The following PALM2AKAP2 variants were observed in gnomAD, a reference collection of about 807,000 sequenced individuals.
PALM2AKAP2 encodes PALM2-AKAP2 fusion protein.
A neutral mutation model predicts 71.5 loss-of-function variants in PALM2AKAP2; 37 were observed. The ratio of observed to expected loss-of-function variants is 0.52; its 90% CI spans 0.40 to 0.68. The LOEUF (loss-of-function observed/expected upper bound fraction) is 0.68. Ranked by LOEUF, PALM2AKAP2 falls within the 30% of genes least tolerant of loss-of-function variation. PALM2AKAP2 has a pLI of 0.00. For missense variants in PALM2AKAP2, 1,224 were observed against 1,191.8 expected, an observed-to-expected ratio of 1.03 and a Z score of -0.40; for synonymous variants, 468 against 478.8, an observed-to-expected ratio of 0.98 and a Z score of 0.29.
chr9:109,996,964 G>A (rs1832587955), intron 6 of PALM2AKAP2, among the ~76,000 whole-genome samples: 1 of 152,194 alleles, frequency 6.6e-6, no homozygotes, highest in African/African-American at 2.4e-5. Flanking sequence ...TGAAGCAGGT[G>A]GACCACTTGA....
chr9:109,708,993 TCA>T (rs1828184599), intron 1 of PALM2AKAP2, among the ~76,000 whole-genome samples: 1 of 152,158 alleles, frequency 6.6e-6, no homozygotes, highest in African/African-American at 2.4e-5. Flanking sequence ...CAAGGGCAAT[TCA>T]CAGAGGGTTG....
intron 6 of PALM2AKAP2, among the ~76,000 whole-genome samples, chr9:110,010,996 C>CAAAA (rs754903953): frequency 0.097 from 5,237 of 54,014 alleles, 779 homozygotes; most frequent in Non-Finnish European, 0.13. Context: ...AACTCTGTCT[C>CAAAA]AAAAAAAAAA....
chr9:109,855,430 A>G (rs1829137376), intron 1 of PALM2AKAP2, among the ~76,000 whole-genome samples: 1 of 152,184 alleles, frequency 6.6e-6, no homozygotes, highest in Non-Finnish European at 1.5e-5. Flanking sequence ...GTCATTCATT[A>G]TCAATAAATA....
At chr9:109,914,694 G>A (rs1033963184) in intron 3 of PALM2AKAP2, among the ~76,000 whole-genome samples, 3 of 152,192 alleles carry the variant, frequency 2.0e-5, no homozygotes, top group African/African-American at 4.8e-5. Context: ...CCTTTTATTC[G>A]GAGAGTAGTT....
chr9:110,010,179 T>G lies in PALM2AKAP2; in HGVS notation c.497-5775T>G, dbSNP rs184421724. 2.0e-3 allele frequency among the ~76,000 whole-genome samples: 305 copies of G among 152,318 alleles called. 1 individual carries two copies. Among genetic ancestry groups the G allele is most frequent in the Non-Finnish European group, 3.5e-3 (235 of 68,026 alleles). On this transcript the variant is annotated intron_variant, in intron 6 of 9. Transcript: ENST00000302798. ...CAGCTACAAGTAGACAGGTCTCAAT[T>G]TCTCCTATCGCAGGGAAATGCAAAC...
At chr9:110,049,053 A>C (rs1299963144) in intron 1 of PALM2AKAP2, among the ~76,000 whole-genome samples, 1 of 152,158 alleles carries the variant, frequency 6.6e-6, no homozygotes, top group Non-Finnish European at 1.5e-5. Flanking sequence ...GGCTGTGGCC[A>C]TGTGGATTTG....
rs563249303 is a variant in PALM2AKAP2 at position 109,728,421 on chromosome 9, T to G, written c.6-52067T>G. Among the ~76,000 whole-genome samples the G allele has an allele frequency of 3.3e-5, 5 of 152,282 alleles. No individual in the cohort carries two copies. The East Asian group carries it at 9.7e-4, about 29-fold the overall frequency. On this transcript the variant is annotated intron_variant, in intron 1 of 6. Coordinates refer to the PALM2AKAP2 transcript ENST00000374531. ...CAACCATCTTGCTCCTACTTCCAGG[T>G]GGAAAGTGATCACAACACACAGAAG...
intron 1 of PALM2AKAP2, among the ~76,000 whole-genome samples, chr9:109,658,443 T>C (rs1201191071): frequency 6.6e-6 from 1 of 152,152 alleles, no homozygotes; most frequent in African/African-American, 2.4e-5. Context: ...GATAAATAAA[T>C]AATATGTTCA....
chr9:109,655,719 T>C (rs1230144358), intron 1 of PALM2AKAP2, among the ~76,000 whole-genome samples: 3 of 152,232 alleles, frequency 2.0e-5, no homozygotes, highest in Non-Finnish European at 4.4e-5. Flanking sequence ...AATTTCACTT[T>C]GTGTAATGCT....
chr9:109,777,781 C>T (rs1340300912), upstream of PALM2AKAP2, among the ~76,000 whole-genome samples: 1 of 152,104 alleles, frequency 6.6e-6, no homozygotes, highest in Admixed American at 6.5e-5. Flanking sequence ...TGGTGCAAAT[C>T]CCTTTGAATT....
intron 1 of PALM2AKAP2, chr9:109,862,947 A>T: frequency 2.0e-6 from 1 of 512,376 alleles, no homozygotes; most frequent in Non-Finnish European, 3.9e-6. Flanking sequence ...GTAGGGGGCC[A>T]TGGCTTGAGA....
chr9:109,984,614 T>C (rs1285434913), intron 6 of PALM2AKAP2, among the ~76,000 whole-genome samples: 2 of 152,088 alleles, frequency 1.3e-5, no homozygotes, highest in Non-Finnish European at 2.9e-5. Flanking sequence ...CCCAGCACTT[T>C]GGGAGGCCAA....
At chr9:110,161,757 C>G (rs976185098) in intron 3 of PALM2AKAP2, among the ~76,000 whole-genome samples, 3 of 152,034 alleles carry the variant, frequency 2.0e-5, no homozygotes, top group Admixed American at 6.5e-5. Flanking sequence ...CCAAAATGGC[C>G]CCCAACGACC....
In PALM2AKAP2 at chr9:110,015,937, T is replaced by TC. The variant is rs756495870; in HGVS notation, c.497-16dup. On this transcript the variant is annotated splice_polypyrimidine_tract_variant and intron_variant, in intron 6 of 9. Transcript: ENST00000302798. ...TGAATGACTTGGCTCAAATGGCACTTCTTTTTTTTCTTTCAGGAGTCGGGT... is the reference window on the plus strand; with the variant it reads ...TGAATGACTTGGCTCAAATGGCACTTCCTTTTTTTTCTTTCAGGAGTCGGGT... 1.2e-6 allele frequency: 2 copies of TC among 1,611,194 alleles called. No homozygotes were observed. The highest frequency in any genetic ancestry group is 1.1e-5 in the South Asian group (1 of 90,640).
intron 3 of PALM2AKAP2, among the ~76,000 whole-genome samples, chr9:109,920,795 C>CAAATAAATAAATAAAT (rs3063871): frequency 1.4e-4 from 21 of 150,630 alleles, no homozygotes; most frequent in African/African-American, 5.1e-4. Context: ...AATCACACCT[C>CAAATAAATAAATAAAT]AAATAAATAA....
At chr9:109,766,011 C>T (rs1346620490) in intron 1 of PALM2AKAP2, among the ~76,000 whole-genome samples, 3 of 152,218 alleles carry the variant, frequency 2.0e-5, no homozygotes, top group Admixed American at 6.5e-5. Flanking sequence ...GGAATTCCCC[C>T]AGCTCCTCAC....
chr9:110,016,353 A>G (rs1366733381), intron 7 of PALM2AKAP2, among the ~76,000 whole-genome samples: 1 of 152,218 alleles, frequency 6.6e-6, no homozygotes, highest in Non-Finnish European at 1.5e-5. Flanking sequence ...GAATATCTAC[A>G]CGTAAGCTAT....
intron 6 of PALM2AKAP2, among the ~76,000 whole-genome samples, chr9:109,969,551 A>G (rs1832025802): frequency 6.6e-6 from 1 of 152,194 alleles, no homozygotes; most frequent in East Asian, 1.9e-4. Flanking sequence ...GCTCTCTCCC[A>G]CCCAAGGTCA....
intron 1 of PALM2AKAP2, among the ~76,000 whole-genome samples, chr9:109,742,460 T>A (rs990424579): frequency 1.3e-5 from 2 of 152,158 alleles, no homozygotes; most frequent in Non-Finnish European, 2.9e-5. Flanking sequence ...TGAGATAAAA[T>A]GGGTCAGGAG....
Sources: allele counts gnomAD v4.1 joint callset (sites outside exome capture counted in the v4.1 genomes callset), GRCh38; gene constraint gnomAD v4.1.1; transcripts MANE v1.5; gene names NCBI Gene and HGNC (gene_info 2026-07-23, HGNC 2026-07-21).